CSMD1: variants seen among roughly 807,000 people sequenced by gnomAD.
CSMD1 encodes CUB and Sushi multiple domains 1.
In CSMD1, 213 loss-of-function variants were observed where a neutral mutation model predicts 417.5. That is an observed-to-expected ratio of 0.51 (90% CI 0.46 to 0.57). The LOEUF (loss-of-function observed/expected upper bound fraction) is 0.57. Ranked by LOEUF, CSMD1 falls within the 20% of genes least tolerant of loss-of-function variation. The pLI is 0.00. For missense variants in CSMD1, 6,923 were observed against 4,529.7 expected (o/e 1.53, Z -15.17); for synonymous variants, 2,862 against 1,736.8 (o/e 1.65, Z -16.11).
At position 3,789,882 on chromosome 8, in the gene CSMD1, C is replaced by G. The variant is rs554597630; in HGVS notation, c.819-35840G>C. On this transcript the variant is annotated intron_variant, in intron 5 of 69. Coordinates refer to ENST00000635120, the MANE Select transcript of CSMD1 (RefSeq NM_033225.6). ...AAGTAGCTGGGACTACAGCTGCCCA[C>G]CACCACGCCTGGCTAATTTTTTGTA... Among the ~76,000 whole-genome samples, 3 of 152,112 alleles carry G rather than the reference C, an allele frequency of 2.0e-5. No individual in the cohort carries two copies. The South Asian group carries it at 6.2e-4, about 32-fold the overall frequency.
chr8:4,229,460 A>T (rs889499504), intron 3 of CSMD1, among the ~76,000 whole-genome samples: 2 of 152,190 alleles, frequency 1.3e-5, no homozygotes, highest in African/African-American at 2.4e-5. Flanking sequence ...GAAGACCCAC[A>T]ATCACCAACA....
intron 2 of CSMD1, among the ~76,000 whole-genome samples, chr8:4,431,897 G>A (rs536049977): frequency 6.6e-6 from 1 of 152,006 alleles, no homozygotes; most frequent in Non-Finnish European, 1.5e-5. Flanking sequence ...TAAAATATGT[G>A]AATGATATGT....
At chr8:4,740,789 T>A (rs79436207) in intron 1 of CSMD1, among the ~76,000 whole-genome samples, 2,650 of 152,248 alleles carry the variant, frequency 0.017, 31 homozygotes, top group Non-Finnish European at 0.025. Context: ...AGGTATATTT[T>A]CAAAGCACAG....
chr8:3,267,797 G>T (rs13278336), intron 26 of CSMD1, among the ~76,000 whole-genome samples: 1 of 151,842 alleles, frequency 6.6e-6, no homozygotes, highest in Non-Finnish European at 1.5e-5. Context: ...ACCAAGGGGT[G>T]CAGAGGCCGG....
At chr8:3,906,059 G>C (rs1453151212) in intron 5 of CSMD1, among the ~76,000 whole-genome samples, 2 of 152,118 alleles carry the variant, frequency 1.3e-5, no homozygotes, top group African/African-American at 2.4e-5. Context: ...AGGAGGTGAA[G>C]AGACTCACAG....
intron 30 of CSMD1, among the ~76,000 whole-genome samples, chr8:3,211,897 C>G (rs1329709692): frequency 2.0e-5 from 3 of 152,194 alleles, no homozygotes; most frequent in Non-Finnish European, 4.4e-5. Flanking sequence ...ATGAGGGGCA[C>G]CCAGGCTGGT....
intron 5 of CSMD1, among the ~76,000 whole-genome samples, chr8:3,912,460 C>T (rs934185541): frequency 6.6e-6 from 1 of 152,080 alleles, no homozygotes; most frequent in African/African-American, 2.4e-5. Flanking sequence ...CATTCCTAAA[C>T]CAGAGAGGCT....
chr8:4,703,464 T>G (rs1231251672), intron 1 of CSMD1, among the ~76,000 whole-genome samples: 2 of 152,162 alleles, frequency 1.3e-5, no homozygotes, highest in Non-Finnish European at 2.9e-5. Flanking sequence ...CAATCACCAA[T>G]GTATGGATAA....
intron 5 of CSMD1, among the ~76,000 whole-genome samples, chr8:3,846,764 C>G (rs34218743): frequency 0.19 from 28,166 of 151,918 alleles, 2,649 homozygotes; most frequent in African/African-American, 0.21. Context: ...ACCTCTGCCT[C>G]TCTGGTTCTA....
intron 3 of CSMD1, among the ~76,000 whole-genome samples, chr8:4,239,353 A>G (rs1504776): frequency 0.99 from 150,162 of 152,288 alleles, 74,064 homozygotes; most frequent in East Asian, 1. Context: ...CCTTGGTGGA[A>G]CTGCCAATGA....
intron 3 of CSMD1, among the ~76,000 whole-genome samples, chr8:4,397,784 T>G (rs965250904): frequency 2.6e-5 from 4 of 152,146 alleles, no homozygotes; most frequent in East Asian, 3.9e-4. Context: ...AATACTGACA[T>G]GTATCTCAAT....
intron 2 of CSMD1, among the ~76,000 whole-genome samples, chr8:4,459,796 T>C (rs962230332): frequency 6.6e-6 from 1 of 152,202 alleles, no homozygotes; most frequent in African/African-American, 2.4e-5. Flanking sequence ...TTTTGCTGTT[T>C]AAAACCATAC....
At chr8:3,664,536 A>C (rs2117476027) in intron 7 of CSMD1, among the ~76,000 whole-genome samples, 1 of 152,352 alleles carries the variant, frequency 6.6e-6, no homozygotes, top group East Asian at 1.9e-4. Flanking sequence ...ATGGTGGGTC[A>C]AGAGCGTGAG....
chr8:4,214,208 A>T (rs556382353), intron 3 of CSMD1, among the ~76,000 whole-genome samples: 6 of 152,200 alleles, frequency 3.9e-5, no homozygotes, highest in Admixed American at 3.9e-4. Context: ...AATAGATGGA[A>T]ATTAAATGAA....
intron 7 of CSMD1, among the ~76,000 whole-genome samples, chr8:3,635,108 G>C (rs1297421997): frequency 1.3e-5 from 2 of 152,260 alleles, no homozygotes; most frequent in African/African-American, 4.8e-5. Context: ...TGTGGGCCTT[G>C]ACGTTGCTCT....
intron 3 of CSMD1, among the ~76,000 whole-genome samples, chr8:4,326,732 G>C (rs1799584327): frequency 6.6e-6 from 1 of 152,094 alleles, no homozygotes; most frequent in Non-Finnish European, 1.5e-5. Context: ...ATGGGGACTT[G>C]ATGGAATAGT....
chr8:4,916,826 C>T (rs894921707), intron 1 of CSMD1, among the ~76,000 whole-genome samples: 2 of 152,198 alleles, frequency 1.3e-5, no homozygotes, highest in South Asian at 4.1e-4. Flanking sequence ...ATGCATTCAA[C>T]AGAATCCCTG....
intron 3 of CSMD1, among the ~76,000 whole-genome samples, chr8:4,146,857 G>A (rs1328074127): frequency 4.1e-5 from 6 of 147,154 alleles, no homozygotes; most frequent in Non-Finnish European, 1.5e-5. Context: ...TGATCCGCCC[G>A]CCTCAGCCTC....
intron 8 of CSMD1, among the ~76,000 whole-genome samples, chr8:3,600,272 C>A (rs1017260358): frequency 1.9e-4 from 29 of 152,122 alleles, no homozygotes; most frequent in African/African-American, 6.5e-4. Flanking sequence ...AGGTAAAATT[C>A]CTCATAAAAT....
Sources: allele counts gnomAD v4.1 joint callset (sites outside exome capture counted in the v4.1 genomes callset), GRCh38; gene constraint gnomAD v4.1.1; transcripts MANE v1.5; gene names NCBI Gene and HGNC (gene_info 2026-07-23, HGNC 2026-07-21).